HS6ST3: variants seen among roughly 807,000 people sequenced by gnomAD.
The protein encoded by HS6ST3 is heparan-sulfate 6-O-sulfotransferase 3.
Under a neutral mutation model 36.7 loss-of-function variants are expected in HS6ST3, and 12 were observed. The ratio of observed to expected loss-of-function variants is 0.33; its 90% CI spans 0.21 to 0.53. HS6ST3 has a LOEUF of 0.53. HS6ST3 is among the 20% of genes least tolerant of loss of function. The probability of loss-of-function intolerance (pLI) is 0.95; values close to 1 mark genes in which losing one functional copy is unlikely to be tolerated. For synonymous variants in HS6ST3, 240 were observed against 257.5 expected (o/e 0.93, Z 0.65); for missense variants, 584 against 640.9 (o/e 0.91, Z 0.96).
intron 1 of HS6ST3, among the ~76,000 whole-genome samples, chr13:96,596,696 G>C (rs909141767): frequency 6.6e-6 from 1 of 152,072 alleles, no homozygotes; most frequent in Non-Finnish European, 1.5e-5. Context: ...ATGATGGCAA[G>C]GTTGTGGAGA....
intron 1 of HS6ST3, among the ~76,000 whole-genome samples, chr13:96,478,668 G>A (rs1747496049): frequency 6.6e-6 from 1 of 152,072 alleles, no homozygotes; most frequent in Non-Finnish European, 1.5e-5. Context: ...TTTAGCGTTT[G>A]CTTTGTGCCT....
chr13:96,286,451 A>G (rs1416088117), intron 1 of HS6ST3, among the ~76,000 whole-genome samples: 2 of 152,112 alleles, frequency 1.3e-5, no homozygotes, highest in Non-Finnish European at 2.9e-5. Flanking sequence ...AAATGTTCAT[A>G]ATACATTAAT....
At position 96,763,563 on chromosome 13, in the gene HS6ST3, T is replaced by C. The variant is rs868764938; in HGVS notation, c.708-68927T>C. Among the ~76,000 whole-genome samples the C allele has an allele frequency of 3.3e-5, 5 of 151,452 alleles. No individual in the cohort carries two copies. The South Asian group carries it at 8.3e-4, about 25-fold the overall frequency. ...TATGTATTTAATAATATACAAGATATACTTAATATAGTAAATTTATTTATT... is the reference window on the plus strand; with the variant it reads ...TATGTATTTAATAATATACAAGATACACTTAATATAGTAAATTTATTTATT... On this transcript the variant is annotated intron_variant, in intron 1 of 1. Transcript: ENST00000376705.
intron 1 of HS6ST3, among the ~76,000 whole-genome samples, chr13:96,302,583 A>G (rs1329114759): frequency 6.6e-6 from 1 of 152,178 alleles, no homozygotes; most frequent in Non-Finnish European, 1.5e-5. Flanking sequence ...TATGACATTT[A>G]TATACATGGG....
intron 1 of HS6ST3, among the ~76,000 whole-genome samples, chr13:96,491,333 G>A (rs372179080): frequency 5.9e-5 from 9 of 151,988 alleles, no homozygotes; most frequent in African/African-American, 9.7e-5. Flanking sequence ...GTGGCAGGTC[G>A]GAGGGAATCA....
chr13:96,226,374 G>T (rs2054480577), intron 1 of HS6ST3, among the ~76,000 whole-genome samples: 1 of 152,032 alleles, frequency 6.6e-6, no homozygotes, highest in Admixed American at 6.6e-5. Flanking sequence ...TACAAAATTA[G>T]CCATGCATGG....
At chr13:96,394,938 A>C (rs567771233) in intron 1 of HS6ST3, among the ~76,000 whole-genome samples, 4 of 152,284 alleles carry the variant, frequency 2.6e-5, no homozygotes, top group Admixed American at 1.3e-4. Flanking sequence ...TATTTTATTA[A>C]CTGTAGGAAA....
chr13:96,814,614 G>T (rs570443707), intron 1 of HS6ST3, among the ~76,000 whole-genome samples: 9 of 151,692 alleles, frequency 5.9e-5, no homozygotes, highest in Non-Finnish European at 1.2e-4. Context: ...GTTTCTCTTT[G>T]CTCTCTATTG....
chr13:96,799,944 G>GTGTA, intron 1 of HS6ST3, among the ~76,000 whole-genome samples: 1 of 88,078 alleles, frequency 1.1e-5, no homozygotes, highest in East Asian at 3.4e-4. Context: ...ATATGTGTGT[G>GTGTA]TATATATATA....
chr13:96,586,302 C>CT lies in HS6ST3; in HGVS notation c.708-246177dup, dbSNP rs879891056. Among the ~76,000 whole-genome samples, 130 of 146,630 alleles carry CT rather than the reference C, an allele frequency of 8.9e-4. 1 individual carries two copies. Among genetic ancestry groups the CT allele is most frequent in the Middle Eastern group, 3.6e-3 (1 of 278 alleles). ...ATATGGTTCTTGGGTATTTCAATGT[C>CT]TTTTTTTTTTTAAGATGATGTCTAG... is the stretch of plus-strand genomic sequence containing the variant. On this transcript the variant is annotated intron_variant, in intron 1 of 1. Coordinates refer to ENST00000376705, the MANE Select transcript of HS6ST3 (RefSeq NM_153456.4).
At position 96,546,683 on chromosome 13, in the gene HS6ST3, C is replaced by T. The variant is rs12585417; in HGVS notation, c.708-285807C>T. Among the ~76,000 whole-genome samples, 101 of 152,196 alleles carry T rather than the reference C, an allele frequency of 6.6e-4. No individual in the cohort carries two copies. The East Asian group carries it at 0.018, about 27-fold the overall frequency. The stretch of plus-strand genomic sequence containing the variant: ...GCTTGAAGAATTTGCATAAAACCAT[C>T]GTAGGGGTGTGTTAAAAATTACTCT... On this transcript the variant is annotated intron_variant, in intron 1 of 1. Coordinates refer to ENST00000376705, the MANE Select transcript of HS6ST3 (RefSeq NM_153456.4).
intron 1 of HS6ST3, among the ~76,000 whole-genome samples, chr13:96,244,548 GA>G (rs2054576041): frequency 6.6e-6 from 1 of 152,120 alleles, no homozygotes; most frequent in Non-Finnish European, 1.5e-5. Flanking sequence ...TGATGAATCA[GA>G]AATGCTTAAT....
chr13:96,322,400 A>AAT (rs58866585), intron 1 of HS6ST3, among the ~76,000 whole-genome samples: 48,914 of 140,324 alleles, frequency 0.35, 8,891 homozygotes, highest in African/African-American at 0.42. Context: ...AAAAAAAAAA[A>AAT]ACAAGCATTA....
At chr13:96,666,969 G>T (rs1212458901) in intron 1 of HS6ST3, among the ~76,000 whole-genome samples, 6 of 152,012 alleles carry the variant, frequency 3.9e-5, no homozygotes, top group Non-Finnish European at 7.4e-5. Flanking sequence ...TTTTTATTAT[G>T]TAGGATGTCA....
At chr13:96,594,521 T>C (rs894823902) in intron 1 of HS6ST3, among the ~76,000 whole-genome samples, 1 of 152,254 alleles carries the variant, frequency 6.6e-6, no homozygotes, top group Non-Finnish European at 1.5e-5. Flanking sequence ...AGAAAATATA[T>C]CTTGTAGCTA....
chr13:96,782,821 C>T (rs891245571), intron 1 of HS6ST3, among the ~76,000 whole-genome samples: 4 of 152,088 alleles, frequency 2.6e-5, no homozygotes, highest in Non-Finnish European at 4.4e-5. Context: ...CTTAAAATCA[C>T]TCATTCTGAG....
intron 1 of HS6ST3, among the ~76,000 whole-genome samples, chr13:96,717,069 G>A (rs1875716425): frequency 1.3e-5 from 2 of 152,194 alleles, no homozygotes; most frequent in South Asian, 4.1e-4. Context: ...GGCAGCACAA[G>A]AACATCTAGC....
chr13:96,180,218 A>G (rs542516025), intron 1 of HS6ST3, among the ~76,000 whole-genome samples: 2 of 152,284 alleles, frequency 1.3e-5, no homozygotes, highest in Admixed American at 1.3e-4. Context: ...ACGCCAACCA[A>G]CTAAACTCAT....
At chr13:96,622,450 ACT>A (rs2056498515) in intron 1 of HS6ST3, among the ~76,000 whole-genome samples, 2 of 152,094 alleles carry the variant, frequency 1.3e-5, no homozygotes, top group South Asian at 4.1e-4. Flanking sequence ...ACTAATTTTT[ACT>A]TTTTTACTCT....
Sources: allele counts gnomAD v4.1 joint callset (sites outside exome capture counted in the v4.1 genomes callset), GRCh38; gene constraint gnomAD v4.1.1; transcripts MANE v1.5; gene names NCBI Gene and HGNC (gene_info 2026-07-23, HGNC 2026-07-21).